FRMD5: variants seen among roughly 807,000 people sequenced by gnomAD.
FRMD5 encodes the protein FERM domain-containing protein 5.
In FRMD5, 20 loss-of-function variants were observed where a neutral mutation model predicts 69.0. The ratio of observed to expected loss-of-function variants is 0.29; its 90% CI spans 0.20 to 0.42. FRMD5 has a LOEUF of 0.42. Ranked by LOEUF, FRMD5 falls within the 10% of genes least tolerant of loss-of-function variation. The pLI is 1.00. For synonymous variants in FRMD5, 271 were observed against 260.1 expected (o/e 1.04, Z -0.40); for missense variants, 595 against 708.6 (o/e 0.84, Z 1.82).
intron 1 of FRMD5, among the ~76,000 whole-genome samples, chr15:43,933,935 C>A (rs921643388): frequency 6.6e-6 from 1 of 152,228 alleles, no homozygotes; most frequent in African/African-American, 2.4e-5. Context: ...GATCTGCTGT[C>A]AGTGACAGGG....
chr15:44,179,911 T>G lies in FRMD5; in HGVS notation c.102+15042A>C, dbSNP rs1277021448. ...AACTGTAGCTAGGCACAGTGGTGTG[T>G]GCCTATAATCCCAGCCACTTCGGAA... is the stretch of plus-strand genomic sequence containing the variant. On this transcript the variant is annotated intron_variant, in intron 1 of 13. Transcript: ENST00000417257. 2.0e-5 allele frequency among the ~76,000 whole-genome samples: 3 copies of G among 152,152 alleles called. No homozygotes were observed. In the East Asian group the frequency reaches 5.8e-4, roughly 29 times the overall value.
chr15:44,187,427 T>C (rs908471527), intron 1 of FRMD5, among the ~76,000 whole-genome samples: 1 of 152,328 alleles, frequency 6.6e-6, no homozygotes, highest in Non-Finnish European at 1.5e-5. Flanking sequence ...GACTCAACTA[T>C]ACCAGAGTAA....
intron 1 of FRMD5, among the ~76,000 whole-genome samples, chr15:44,099,446 CT>C (rs1339683016): frequency 6.6e-6 from 1 of 151,938 alleles, no homozygotes; most frequent in African/African-American, 2.4e-5. Context: ...TCCAAGTAAT[CT>C]CTTTGACACA....
intron 1 of FRMD5, among the ~76,000 whole-genome samples, chr15:44,012,514 GA>G (rs1255206376): frequency 6.6e-6 from 1 of 152,126 alleles, no homozygotes; most frequent in Non-Finnish European, 1.5e-5. Flanking sequence ...ATAGATGAAA[GA>G]AAAACATAAC....
intron 11 of FRMD5, 122 bp downstream of exon 11, chr15:43,885,559 G>A: frequency 1.3e-6 from 1 of 769,130 alleles, no homozygotes; most frequent in East Asian, 2.5e-5. Context: ...AGAATTAGAT[G>A]GAGACCTCAG....
At chr15:43,906,862 A>G (rs938208696) in intron 5 of FRMD5, among the ~76,000 whole-genome samples, 1 of 151,796 alleles carries the variant, frequency 6.6e-6, no homozygotes, top group Admixed American at 6.6e-5. Context: ...TGGCCTCCCA[A>G]AGTGCTGGGA....
intron 1 of FRMD5, among the ~76,000 whole-genome samples, chr15:44,177,987 GTTAATT>G (rs2077929366): frequency 6.6e-6 from 1 of 152,132 alleles, no homozygotes; most frequent in African/African-American, 2.4e-5. Flanking sequence ...AGCTAAAAAA[GTTAATT>G]TTAATCTATG....
chr15:44,000,668 C>T (rs1358602484), intron 1 of FRMD5, among the ~76,000 whole-genome samples: 2 of 152,124 alleles, frequency 1.3e-5, no homozygotes, highest in Admixed American at 6.5e-5. Context: ...CCATGTTGGC[C>T]AAGCTGTTCT....
chr15:43,985,565 G>C (rs985463839), intron 1 of FRMD5, among the ~76,000 whole-genome samples: 1 of 152,082 alleles, frequency 6.6e-6, no homozygotes, highest in Admixed American at 6.5e-5. Flanking sequence ...TAGATTCTGA[G>C]GCCCCACCCA....
intron 1 of FRMD5, among the ~76,000 whole-genome samples, chr15:44,058,571 C>T (rs368593324): frequency 2.0e-5 from 3 of 152,164 alleles, no homozygotes; most frequent in African/African-American, 7.2e-5. Context: ...CAGATCACAA[C>T]GTCGGGAGAT....
chr15:44,077,282 A>G (rs576353317), intron 1 of FRMD5, among the ~76,000 whole-genome samples: 1 of 152,208 alleles, frequency 6.6e-6, no homozygotes, highest in East Asian at 1.9e-4. Flanking sequence ...TTTTCTTCTC[A>G]AGAGCTATGG....
chr15:43,965,435 A>G (rs1279440171), intron 1 of FRMD5, among the ~76,000 whole-genome samples: 1 of 152,192 alleles, frequency 6.6e-6, no homozygotes. Context: ...AAAGAGGTCA[A>G]GTAAATTACC....
chr15:43,939,931 G>A (rs1261247606), intron 1 of FRMD5, among the ~76,000 whole-genome samples: 3 of 152,134 alleles, frequency 2.0e-5, no homozygotes, highest in East Asian at 1.9e-4. Flanking sequence ...TGCTCCCAGC[G>A]CTTTGGGAGG....
At chr15:43,931,402 C>G (rs1479165860) in intron 1 of FRMD5, among the ~76,000 whole-genome samples, 1 of 152,070 alleles carries the variant, frequency 6.6e-6, no homozygotes. Context: ...TTCTCTTTCT[C>G]TCTCACACTT....
At chr15:44,052,211 A>G (rs1303471914) in intron 1 of FRMD5, among the ~76,000 whole-genome samples, 1 of 152,046 alleles carries the variant, frequency 6.6e-6, no homozygotes, top group African/African-American at 2.4e-5. Flanking sequence ...ACTTATGTAT[A>G]TTGGTTTTAT....
rs2078268517 is a variant in FRMD5, at chr15:44,195,099, C to T, written c.-45G>A. The T allele has an allele frequency of 6.9e-7, 1 of 1,449,768 alleles. No individual in the cohort carries two copies. The highest frequency in any genetic ancestry group is 9.1e-7 in the Non-Finnish European group (1 of 1,092,900). 89.8% of individuals were successfully genotyped at this position (1,449,768 alleles called of 1,614,324 possible). A position where few individuals can be genotyped will look rare whatever the true frequency, so the allele number is the denominator to read the frequency against. ...GGAGCGACGCGGCGGCGCTGCGGAC[C>T]CTGGACCAGGCGTCCCTCAGCCCGG... is the stretch of plus-strand genomic sequence containing the variant. On this transcript the variant is annotated 5_prime_UTR_variant, in exon 1 of 14. Coordinates refer to ENST00000417257, the MANE Select transcript of FRMD5 (RefSeq NM_032892.5).
At chr15:43,899,270 A>G (rs2088988112) in intron 7 of FRMD5, among the ~76,000 whole-genome samples, 1 of 152,152 alleles carries the variant, frequency 6.6e-6, no homozygotes, top group Non-Finnish European at 1.5e-5. Context: ...GAGCTGAGGA[A>G]TCATGGCCAG....
chr15:43,981,720 C>G (rs2090551536), intron 1 of FRMD5, among the ~76,000 whole-genome samples: 1 of 152,228 alleles, frequency 6.6e-6, no homozygotes, highest in Non-Finnish European at 1.5e-5. Flanking sequence ...TAGATGGTCT[C>G]ATGTCAATTT....
chr15:44,165,419 C>CTCAA (rs776273680), intron 1 of FRMD5, among the ~76,000 whole-genome samples: 35 of 152,226 alleles, frequency 2.3e-4, no homozygotes, highest in African/African-American at 4.3e-4. Context: ...GAGACTCCAT[C>CTCAA]TCAATCAATC....
Sources: gnomAD v4.1 joint callset for allele counts (sites outside exome capture counted in the v4.1 genomes callset) on GRCh38, gnomAD v4.1.1 for gene constraint, MANE v1.5 for transcripts, NCBI Gene and HGNC (gene_info 2026-07-23, HGNC 2026-07-21) for gene names.